Variants in PEX7 observed in about 807,000 individuals in gnomAD.
The protein encoded by PEX7 is PTS2 receptor.
A neutral mutation model predicts 47.5 loss-of-function variants in PEX7; 34 were observed. The ratio of observed to expected loss-of-function variants is 0.72; its 90% confidence interval spans 0.54 to 0.95. The LOEUF is 0.95. Ranked by LOEUF, PEX7 falls within the 40% of genes least tolerant of loss-of-function variation. The pLI, the probability that PEX7 is intolerant of heterozygous loss-of-function variation, is 0.00. For synonymous variants in PEX7, 141 were observed against 148.8 expected (o/e 0.95, Z 0.38); for missense variants, 394 against 400.3 (o/e 0.98, Z 0.13).
chr6:136,860,141 A>C (rs1490235711), intron 5 of PEX7, among the ~76,000 whole-genome samples: 1 of 152,186 alleles, frequency 6.6e-6, no homozygotes, highest in Non-Finnish European at 1.5e-5. Flanking sequence ...TCTGCCTGTC[A>C]ATGAAAGGCC....
intron 3 of PEX7, among the ~76,000 whole-genome samples, chr6:136,827,232 T>C (rs1210659299): frequency 6.6e-6 from 1 of 152,178 alleles, no homozygotes; most frequent in Non-Finnish European, 1.5e-5. Context: ...TAAAGATTAG[T>C]TATGTGAGGG....
chr6:136,882,745 ATCTC>A (rs1322704971), intron 8 of PEX7, among the ~76,000 whole-genome samples: 5 of 151,574 alleles, frequency 3.3e-5, no homozygotes, highest in Non-Finnish European at 7.4e-5. Context: ...CTCCCCCTAT[ATCTC>A]TCTATATCTT....
chr6:136,881,113 C>T (rs936765537), intron 8 of PEX7, among the ~76,000 whole-genome samples: 1 of 152,080 alleles, frequency 6.6e-6, no homozygotes, highest in African/African-American at 2.4e-5. Flanking sequence ...TAATTCAGTC[C>T]ATAAGAATGA....
intron 1 of PEX7, among the ~76,000 whole-genome samples, chr6:136,824,550 G>GTAT (rs1774153305): frequency 6.6e-6 from 1 of 151,522 alleles, no homozygotes; most frequent in Admixed American, 6.6e-5. Flanking sequence ...AAGGGAATTG[G>GTAT]TATTTAAAAA....
At chr6:136,872,113 A>G in intron 7 of PEX7, 85 bp from the exon 8 acceptor site, 2 of 1,157,868 alleles carry the variant, frequency 1.7e-6, no homozygotes, top group Non-Finnish European at 1.3e-6. Context: ...AATTTATTAT[A>G]ATGTTTATGG....
chr6:136,873,369 A>T (rs955803813), intron 8 of PEX7, among the ~76,000 whole-genome samples: 2 of 152,154 alleles, frequency 1.3e-5, no homozygotes, highest in African/African-American at 4.8e-5. Flanking sequence ...GTTACTAGAG[A>T]ATTAATGTCT....
intron 9 of PEX7, among the ~76,000 whole-genome samples, chr6:136,903,573 A>G (rs1241453726): frequency 6.6e-6 from 1 of 151,798 alleles, no homozygotes; most frequent in Non-Finnish European, 1.5e-5. Flanking sequence ...ATAGAGTAGA[A>G]GTAGTTTTGT....
intron 5 of PEX7, among the ~76,000 whole-genome samples, chr6:136,853,622 T>C (rs1312925025): frequency 6.6e-6 from 1 of 152,142 alleles, no homozygotes; most frequent in Non-Finnish European, 1.5e-5. Context: ...ATTGTGAAAG[T>C]ACTATTAGGT....
At chr6:136,831,668 A>T (rs1422205689) in intron 3 of PEX7, among the ~76,000 whole-genome samples, 1 of 152,278 alleles carries the variant, frequency 6.6e-6, no homozygotes, top group Non-Finnish European at 1.5e-5. Context: ...CAGTAGGGCT[A>T]TAGGCATTAG....
At chr6:136,894,998 G>A (rs1775624860) in intron 8 of PEX7, among the ~76,000 whole-genome samples, 1 of 152,182 alleles carries the variant, frequency 6.6e-6, no homozygotes, top group South Asian at 2.1e-4. Flanking sequence ...AAGGCCCTTG[G>A]ATATATAGCA....
At chr6:136,861,662 C>T (rs1279584448) in intron 5 of PEX7, among the ~76,000 whole-genome samples, 1 of 151,718 alleles carries the variant, frequency 6.6e-6, no homozygotes, top group African/African-American at 2.4e-5. Flanking sequence ...TTTCCTTTGC[C>T]TGCAAGTGAT....
At chr6:136,910,543 C>T (rs1023823102) in intron 9 of PEX7, among the ~76,000 whole-genome samples, 1 of 152,108 alleles carries the variant, frequency 6.6e-6, no homozygotes, top group African/African-American at 2.4e-5. Flanking sequence ...ATGGGAACAA[C>T]CAGATCTTGA....
chr6:136,840,081 G>A (rs972820476), intron 3 of PEX7, among the ~76,000 whole-genome samples: 2 of 152,176 alleles, frequency 1.3e-5, no homozygotes, highest in Non-Finnish European at 2.9e-5. Flanking sequence ...AGAGGATAGA[G>A]CCTGTGTGCT....
At chr6:136,850,517 T>G (rs1249009215) in intron 5 of PEX7, among the ~76,000 whole-genome samples, 1 of 152,188 alleles carries the variant, frequency 6.6e-6, no homozygotes, top group Non-Finnish European at 1.5e-5. Context: ...TTTCCATGTT[T>G]AGGACTTTAC....
At chr6:136,871,539 C>T (rs1454824707) in intron 7 of PEX7, among the ~76,000 whole-genome samples, 1 of 151,974 alleles carries the variant, frequency 6.6e-6, no homozygotes, top group Non-Finnish European at 1.5e-5. Flanking sequence ...TTGTAAGAAT[C>T]ATTTTTGTTT....
intron 8 of PEX7, among the ~76,000 whole-genome samples, chr6:136,892,336 G>A (rs1017709453): frequency 6.6e-6 from 1 of 152,140 alleles, no homozygotes; most frequent in African/African-American, 2.4e-5. Flanking sequence ...AATCAAAACT[G>A]CCTGAAGAAT....
intron 3 of PEX7, among the ~76,000 whole-genome samples, chr6:136,842,160 A>G (rs1461241999): frequency 6.6e-6 from 1 of 151,692 alleles, no homozygotes; most frequent in Non-Finnish European, 1.5e-5. Context: ...ACACCTGGCT[A>G]AATTTTATAT....
At chr6:136,885,256 C>T (rs1293137481) in intron 8 of PEX7, among the ~76,000 whole-genome samples, 1 of 152,106 alleles carries the variant, frequency 6.6e-6, no homozygotes, top group Non-Finnish European at 1.5e-5. Context: ...GCTAAAATGA[C>T]CAGTTTAGCC....
intron 8 of PEX7, among the ~76,000 whole-genome samples, chr6:136,895,661 G>A (rs2115269295): frequency 6.6e-6 from 1 of 152,150 alleles, no homozygotes; most frequent in Non-Finnish European, 1.5e-5. Context: ...TTAAAATGTT[G>A]GTCTAGAAAC....
Sources: allele counts gnomAD v4.1 joint callset (sites outside exome capture counted in the v4.1 genomes callset), GRCh38; gene constraint gnomAD v4.1.1; transcripts MANE v1.5; gene names NCBI Gene and HGNC (gene_info 2026-07-23, HGNC 2026-07-21).